The following FAM168A variants were observed in gnomAD, a reference collection of about 807,000 sequenced individuals.
FAM168A encodes the protein protein FAM168A.
In FAM168A, 3 loss-of-function variants were observed where a neutral mutation model predicts 28.5. The observed-to-expected ratio is 0.11, with a 90% CI of 0.05 to 0.27. The LOEUF (loss-of-function observed/expected upper bound fraction) is 0.27. FAM168A is among the 10% of genes least tolerant of loss of function. FAM168A has a pLI of 1.00. For missense variants in FAM168A, 222 were observed against 311.5 expected (o/e 0.71, Z 2.16); for synonymous variants, 122 against 124.2 (o/e 0.98, Z 0.12).
chr11:73,416,798 T>G (rs1866701608), intron 4 of FAM168A, among the ~76,000 whole-genome samples: 1 of 152,014 alleles, frequency 6.6e-6, no homozygotes, highest in Admixed American at 6.6e-5. Context: ...TTAAAAAAAT[T>G]AGCTGGGCAT....
At chr11:73,580,386 C>T in intron 1 of FAM168A, 1 of 616,040 alleles carries the variant, frequency 1.6e-6, no homozygotes, top group East Asian at 3.9e-5. Context: ...AAAGCCCCTG[C>T]AAAGAAGGGA....
At chr11:73,469,913 T>C (rs968530180) in intron 1 of FAM168A, among the ~76,000 whole-genome samples, 1 of 152,116 alleles carries the variant, frequency 6.6e-6, no homozygotes, top group East Asian at 1.9e-4. Flanking sequence ...TTTTTTGTTT[T>C]TGTTTTTGTT....
chr11:73,569,017 A>C (rs1944055279), intron 1 of FAM168A, among the ~76,000 whole-genome samples: 1 of 152,182 alleles, frequency 6.6e-6, no homozygotes, highest in South Asian at 2.1e-4. Flanking sequence ...CCTAGACATC[A>C]AAAAAATTGT....
intron 1 of FAM168A, among the ~76,000 whole-genome samples, chr11:73,583,978 G>C (rs906697139): frequency 6.6e-6 from 1 of 152,114 alleles, no homozygotes; most frequent in Non-Finnish European, 1.5e-5. Context: ...AGGCTTTCAG[G>C]CATGCTCATT....
intron 1 of FAM168A, among the ~76,000 whole-genome samples, chr11:73,527,683 T>C (rs1943465131): frequency 6.6e-6 from 1 of 152,030 alleles, no homozygotes; most frequent in Non-Finnish European, 1.5e-5. Context: ...ATTAAGTTAT[T>C]AAGTAGCAGA....
chr11:73,595,002 G>A (rs948786939), intron 1 of FAM168A, among the ~76,000 whole-genome samples: 1 of 152,080 alleles, frequency 6.6e-6, no homozygotes, highest in South Asian at 2.1e-4. Flanking sequence ...AGGATCAAAT[G>A]AGGTAAAGAT....
intron 2 of FAM168A, among the ~76,000 whole-genome samples, chr11:73,458,767 C>G (rs910396991): frequency 1.3e-5 from 2 of 152,136 alleles, no homozygotes; most frequent in East Asian, 3.9e-4. Flanking sequence ...CCTGCTACCA[C>G]GCCCGGCTAA....
intron 1 of FAM168A, among the ~76,000 whole-genome samples, chr11:73,585,362 A>G (rs960709771): frequency 6.6e-6 from 1 of 152,216 alleles, no homozygotes; most frequent in South Asian, 2.1e-4. Flanking sequence ...TTATTACTAC[A>G]CTTCCCTTTT....
intron 1 of FAM168A, among the ~76,000 whole-genome samples, chr11:73,587,453 C>T (rs59806295): frequency 0.19 from 28,109 of 151,174 alleles, 3,978 homozygotes; most frequent in African/African-American, 0.4. Context: ...GATCGCACCA[C>T]TGCACTCCAG....
intron 2 of FAM168A, 47 bp downstream of exon 2, chr11:73,468,358 C>T: frequency 6.4e-7 from 1 of 1,572,328 alleles, no homozygotes; most frequent in Non-Finnish European, 8.7e-7. Context: ...TTGGTAATAT[C>T]CTTAACCACC....
At chr11:73,448,170 C>G (rs1443872561) in intron 2 of FAM168A, among the ~76,000 whole-genome samples, 3 of 152,164 alleles carry the variant, frequency 2.0e-5, no homozygotes, top group Non-Finnish European at 4.4e-5. Flanking sequence ...GCGTTAGCCT[C>G]CCAAGTAGCT....
chr11:73,546,512 G>C (rs559514381), intron 1 of FAM168A, among the ~76,000 whole-genome samples: 2 of 152,104 alleles, frequency 1.3e-5, no homozygotes, highest in Non-Finnish European at 2.9e-5. Flanking sequence ...GCAGACAGAT[G>C]ACCTGAGGTC....
intron 1 of FAM168A, among the ~76,000 whole-genome samples, 167 bp downstream of exon 1, chr11:73,597,756 G>A (rs1176772214): frequency 3.2e-5 from 1 of 30,926 alleles, no homozygotes; most frequent in African/African-American, 1.4e-4. Context: ...CCCCACCCCC[G>A]GCCAGCGCCT....
rs1391696755 is a variant in FAM168A at position 73,406,517 on chromosome 11, T to C, written c.*246A>G. 1 of 152,132 alleles carries C rather than the reference T, an allele frequency of 6.6e-6. No individual in the cohort carries two copies. The highest frequency in any genetic ancestry group is 6.6e-5 in the Admixed American group (1 of 15,258). The allele number at this position is 152,132 out of a possible 1,614,324, so 9.4% of individuals were successfully genotyped here. A position where few individuals can be genotyped will look rare whatever the true frequency, so the allele number is the denominator to read the frequency against. On this transcript the variant is annotated 3_prime_UTR_variant, in exon 8 of 8. Transcript: ENST00000356467. ...GCCTGGTCAGGTAGGAGGAAGGGGA[T>C]AGAGCTGGAAGGGCAGGGGCTAAGA...
rs1590748219 is a variant in FAM168A, at chr11:73,404,877, A to G, written c.*1886T>C. The G allele has an allele frequency of 1.3e-5, 2 of 152,232 alleles. No individual in the cohort carries two copies. Among genetic ancestry groups the G allele is most frequent in the Admixed American group, 1.3e-4 (2 of 15,294 alleles). The allele number at this position is 152,232 out of a possible 1,614,324, so 9.4% of individuals were successfully genotyped here. ...ATGAAAGCAGTTTTTTAAAGTCCCA[A>G]ATGTTGTCAATGATCCCATTTTTTA... On this transcript the variant is annotated 3_prime_UTR_variant, in exon 8 of 8. Coordinates refer to ENST00000356467, the MANE Select transcript of FAM168A (RefSeq NM_015159.3).
At chr11:73,476,704 C>T (rs943992556) in intron 1 of FAM168A, among the ~76,000 whole-genome samples, 8 of 151,628 alleles carry the variant, frequency 5.3e-5, no homozygotes, top group East Asian at 1.9e-4. Context: ...GAAAACCACA[C>T]TTAAAGAATT....
intron 1 of FAM168A, among the ~76,000 whole-genome samples, chr11:73,586,174 G>C (rs1258871054): frequency 6.6e-6 from 1 of 152,170 alleles, no homozygotes; most frequent in African/African-American, 2.4e-5. Flanking sequence ...GCACTCATAG[G>C]TTTTGGAGGC....
chr11:73,523,137 A>G (rs544520637), intron 1 of FAM168A, among the ~76,000 whole-genome samples: 1 of 152,314 alleles, frequency 6.6e-6, no homozygotes, highest in South Asian at 2.1e-4. Flanking sequence ...TGCTTTCTCT[A>G]GAGCAGAAAG....
At chr11:73,531,195 C>A (rs547895308) in intron 1 of FAM168A, among the ~76,000 whole-genome samples, 1 of 152,156 alleles carries the variant, frequency 6.6e-6, no homozygotes, top group Non-Finnish European at 1.5e-5. Context: ...CTGAAAGATA[C>A]CTGAGTTGAA....
Sources: allele counts gnomAD v4.1 joint callset (sites outside exome capture counted in the v4.1 genomes callset), GRCh38; gene constraint gnomAD v4.1.1; transcripts MANE v1.5; gene names NCBI Gene and HGNC (gene_info 2026-07-23, HGNC 2026-07-21).